Variants in STPG2 observed in about 807,000 individuals in gnomAD.
The protein encoded by STPG2 is sperm tail PG-rich repeat containing 2, also known as sperm-tail PG-rich repeat-containing protein 2.
STPG2 carries 56 observed loss-of-function variants against 54.2 expected under a neutral mutation model. The observed-to-expected ratio is 1.03, with a 90% CI of 0.83 to 1.29. The LOEUF is 1.29. Ranked by LOEUF, STPG2 falls within the 50% of genes most tolerant of loss-of-function variation. STPG2 has a pLI of 0.00. For synonymous variants in STPG2, 200 were observed against 181.8 expected, an observed-to-expected ratio of 1.10 and a Z score of -0.81; for missense variants, 596 against 544.9, an observed-to-expected ratio of 1.09 and a Z score of -0.93.
At chr4:97,913,284 G>A (rs530527465) in intron 8 of STPG2, among the ~76,000 whole-genome samples, 12 of 152,094 alleles carry the variant, frequency 7.9e-5, no homozygotes, top group Admixed American at 3.3e-4. Context: ...CCTCAAAACC[G>A]GTATCTGCCT....
At chr4:97,933,843 C>T (rs949781472) in intron 8 of STPG2, among the ~76,000 whole-genome samples, 5 of 152,022 alleles carry the variant, frequency 3.3e-5, no homozygotes, top group South Asian at 2.1e-4. Flanking sequence ...CTTGGCTGTA[C>T]GGGCTCTCTT....
intron 9 of STPG2, among the ~76,000 whole-genome samples, chr4:97,788,895 C>T (rs935220574): frequency 3.9e-5 from 6 of 151,976 alleles, no homozygotes; most frequent in Non-Finnish European, 8.8e-5. Context: ...TGTGTGTCTT[C>T]TTCTTGTCTT....
At chr4:97,558,165 T>C (rs1183912817), downstream of STPG2, among the ~76,000 whole-genome samples, 1 of 152,208 alleles carries the variant, frequency 6.6e-6, no homozygotes, top group Admixed American at 6.5e-5. Flanking sequence ...TGACATTGTA[T>C]GGATTCAGGT....
intron 10 of STPG2, among the ~76,000 whole-genome samples, chr4:97,578,896 G>A (rs1578402094): frequency 6.6e-6 from 1 of 152,012 alleles, no homozygotes; most frequent in African/African-American, 2.4e-5. Context: ...CCACTGGCTA[G>A]GAACTGAAAA....
At chr4:97,937,590 T>C (rs1732795240) in intron 8 of STPG2, among the ~76,000 whole-genome samples, 1 of 152,202 alleles carries the variant, frequency 6.6e-6, no homozygotes, top group Admixed American at 6.5e-5. Flanking sequence ...GATGCTGTTA[T>C]TGTTGCTTTC....
intron 9 of STPG2, among the ~76,000 whole-genome samples, chr4:97,819,951 T>A (rs914515357): frequency 6.6e-6 from 1 of 152,020 alleles, no homozygotes; most frequent in Non-Finnish European, 1.5e-5. Context: ...ACAGATACTG[T>A]TGGGATTGGT....
At chr4:97,573,105 T>C (rs919018284) in intron 10 of STPG2, among the ~76,000 whole-genome samples, 2 of 152,110 alleles carry the variant, frequency 1.3e-5, no homozygotes, top group Non-Finnish European at 2.9e-5. Context: ...AAATACGATA[T>C]GCATTTTCAT....
intron 9 of STPG2, among the ~76,000 whole-genome samples, chr4:97,746,667 A>G (rs1451204809): frequency 6.6e-6 from 1 of 151,236 alleles, no homozygotes; most frequent in Non-Finnish European, 1.5e-5. Flanking sequence ...CAGTGGAATA[A>G]AAGAAAGGAG....
intron 5 of STPG2, among the ~76,000 whole-genome samples, chr4:98,051,026 G>GA (rs1390959564): frequency 6.6e-6 from 1 of 150,968 alleles, no homozygotes. Flanking sequence ...AAAAAAAAAG[G>GA]AAAAAAATTG....
At chr4:98,028,930 T>C (rs1380291072) in intron 5 of STPG2, among the ~76,000 whole-genome samples, 1 of 152,168 alleles carries the variant, frequency 6.6e-6, no homozygotes. Context: ...TCCTCATAAT[T>C]TCCTCTTTCA....
intron 9 of STPG2, among the ~76,000 whole-genome samples, chr4:97,782,428 A>G (rs138150097): frequency 0.018 from 2,739 of 152,288 alleles, 73 homozygotes; most frequent in African/African-American, 0.062. Flanking sequence ...GAAATAAAAG[A>G]GGACACAAAC....
chr4:97,526,083 C>T (rs1356657417), intron 4 of STPG2, among the ~76,000 whole-genome samples: 1 of 152,066 alleles, frequency 6.6e-6, no homozygotes, highest in Non-Finnish European at 1.5e-5. Context: ...TGTAGTTCAA[C>T]ACACTGCTTA....
At chr4:97,698,571 A>G (rs1723661912) in intron 10 of STPG2, among the ~76,000 whole-genome samples, 1 of 152,204 alleles carries the variant, frequency 6.6e-6, no homozygotes, top group Admixed American at 6.5e-5. Context: ...TCGTGAGAAC[A>G]GGAAGCAACA....
At chr4:97,692,297 T>TG (rs1356383122) in intron 10 of STPG2, among the ~76,000 whole-genome samples, 5 of 48,780 alleles carry the variant, frequency 1.0e-4, no homozygotes, top group Admixed American at 2.7e-4. Flanking sequence ...ATACAGGATA[T>TG]GAAAAAAAAA....
At position 97,587,207 on chromosome 4, in the gene STPG2, A is replaced by G. The variant is rs985180237; in HGVS notation, c.1321-28090T>C. Among the ~76,000 whole-genome samples, 7 of 152,032 alleles carry G rather than the reference A, an allele frequency of 4.6e-5. No individual in the cohort carries two copies. The East Asian group carries it at 1.4e-3, about 29-fold the overall frequency. Reference sequence around the variant, plus strand: ...AATGGGTAAATTTTTATTTACCATCATTTTCCCTCTTCCTCTAAATAACTA... The same window carrying G: ...AATGGGTAAATTTTTATTTACCATCGTTTTCCCTCTTCCTCTAAATAACTA... On this transcript the variant is annotated intron_variant, in intron 10 of 10. Transcript: ENST00000295268.
chr4:97,967,385 T>C (rs1303720617), intron 7 of STPG2, among the ~76,000 whole-genome samples: 1 of 151,254 alleles, frequency 6.6e-6, no homozygotes, highest in Non-Finnish European at 1.5e-5. Context: ...GAGACCTACA[T>C]TAGACTCCTA....
chr4:98,081,311 ACAACTCCTT>A lies in STPG2; in HGVS notation c.612+24633_612+24641del, dbSNP rs202148962. Among the ~76,000 whole-genome samples the A allele has an allele frequency of 8.0e-3, 1,224 of 152,320 alleles. 10 individuals are homozygous for A. Among genetic ancestry groups the A allele is most frequent in the Non-Finnish European group, 0.014 (919 of 68,014 alleles). Reference sequence around the variant, plus strand: ...TCCTCCTGATAGTAATCCCTGGCTGACAACTCCTTCAAAGTCAGAAGATACAGTGTATTT... The same window carrying A: ...TCCTCCTGATAGTAATCCCTGGCTGACAAAGTCAGAAGATACAGTGTATTT... On this transcript the variant is annotated intron_variant, in intron 5 of 10. Coordinates refer to ENST00000295268, the MANE Select transcript of STPG2 (RefSeq NM_174952.3).
chr4:97,876,863 AG>A (rs1277514911), intron 8 of STPG2, among the ~76,000 whole-genome samples: 2 of 152,204 alleles, frequency 1.3e-5, no homozygotes, highest in East Asian at 3.9e-4. Flanking sequence ...TAAGCAAGAG[AG>A]AATAGAAAAA....
At chr4:97,781,863 C>T (rs1056560327) in intron 9 of STPG2, among the ~76,000 whole-genome samples, 3 of 152,104 alleles carry the variant, frequency 2.0e-5, no homozygotes, top group African/African-American at 7.2e-5. Flanking sequence ...GCAGAAGAGG[C>T]CTTTGACAAA....
Sources: gnomAD v4.1 joint callset for allele counts (sites outside exome capture counted in the v4.1 genomes callset) on GRCh38, gnomAD v4.1.1 for gene constraint, MANE v1.5 for transcripts, NCBI Gene and HGNC (gene_info 2026-07-23, HGNC 2026-07-21) for gene names.